The following ENTPD5 variants were observed in gnomAD, a reference collection of about 807,000 sequenced individuals.
The protein encoded by ENTPD5 is ectonucleoside triphosphate diphosphohydrolase 5 (inactive).
A neutral mutation model predicts 60.2 loss-of-function variants in ENTPD5; 49 were observed. The ratio of observed to expected loss-of-function variants is 0.81; its 90% confidence interval spans 0.65 to 1.03. The LOEUF (loss-of-function observed/expected upper bound fraction) is 1.03. ENTPD5 is among the 50% of genes least tolerant of loss of function. ENTPD5 has a pLI of 0.00. For missense variants in ENTPD5, 480 were observed against 507.6 expected (o/e 0.95, Z 0.52); for synonymous variants, 187 against 185.4 (o/e 1.01, Z -0.07).
chr14:73,994,674 AATGAG>A (rs1011460118), intron 3 of ENTPD5, among the ~76,000 whole-genome samples: 5 of 151,538 alleles, frequency 3.3e-5, no homozygotes, highest in Admixed American at 3.3e-4. Flanking sequence ...CGGAGGTTGC[AATGAG>A]ATAAGATTGC....
At chr14:73,961,135 C>T (rs1277112662), downstream of ENTPD5, 24 of 1,603,232 alleles carry the variant, frequency 1.5e-5, no homozygotes, top group African/African-American at 6.7e-5. Flanking sequence ...CTGCTACTCA[C>T]ATTTCACCTT....
In ENTPD5 at chr14:73,983,171, A is replaced by C. The variant is rs2057761871; in HGVS notation, c.298-10T>G. On this transcript the variant is annotated splice_polypyrimidine_tract_variant and intron_variant, in intron 5 of 15. Transcript: ENST00000334696. ...GAACGGTCTCAGCACCCTTCAAAAG[A>C]GATAACCCGTTCATCTGATGAACGA... is the stretch of plus-strand genomic sequence containing the variant. 6.2e-7 allele frequency: 1 copy of C among 1,605,326 alleles called. No homozygotes were observed. Among genetic ancestry groups the C allele is most frequent in the Non-Finnish European group, 8.5e-7 (1 of 1,175,232 alleles).
chr14:73,956,238 G>A (rs897667973), downstream of ENTPD5: 43 of 346,788 alleles, frequency 1.2e-4, no homozygotes, highest in Non-Finnish European at 5.7e-5. Context: ...TGAGGCAGGA[G>A]AATGGCGTGA....
chr14:74,005,139 G>A (rs927606550), intron 3 of ENTPD5, among the ~76,000 whole-genome samples: 3 of 151,718 alleles, frequency 2.0e-5, no homozygotes, highest in African/African-American at 7.2e-5. Context: ...GATGGGACAT[G>A]CCTGTAATCC....
intron 6 of ENTPD5, among the ~76,000 whole-genome samples, 172 bp downstream of exon 6, chr14:73,982,846 T>C (rs1470379223): frequency 6.6e-6 from 1 of 151,940 alleles, no homozygotes; most frequent in Non-Finnish European, 1.5e-5. Context: ...CATTTAAGAG[T>C]GATAGTTAAA....
At chr14:73,995,338 T>C (rs1303184244) in intron 3 of ENTPD5, among the ~76,000 whole-genome samples, 1 of 152,046 alleles carries the variant, frequency 6.6e-6, no homozygotes, top group Admixed American at 6.6e-5. Flanking sequence ...ATGAGCCACC[T>C]TGGCTGGCCC....
At chr14:73,997,209 C>A (rs1268558625) in intron 3 of ENTPD5, among the ~76,000 whole-genome samples, 1 of 151,898 alleles carries the variant, frequency 6.6e-6, no homozygotes, top group Non-Finnish European at 1.5e-5. Context: ...TAGAGGTGTA[C>A]CAGAATAAAG....
chr14:73,966,824 A>T lies in ENTPD5; in HGVS notation c.*104T>A. The T allele has an allele frequency of 1.2e-6, 1 of 850,608 alleles. No homozygotes were observed. Among genetic ancestry groups the T allele is most frequent in the Non-Finnish European group, 1.9e-6 (1 of 513,558 alleles). 52.7% of individuals were successfully genotyped at this position (850,608 alleles called of 1,614,324 possible). A position where few individuals can be genotyped will look rare whatever the true frequency, so the allele number is the denominator to read the frequency against. The stretch of plus-strand genomic sequence containing the variant: ...TAAAATTAATTAAACCTAAATCTCT[A>T]GGCTCAAGTCCAGGATGTCCCCAGA... On this transcript the variant is annotated 3_prime_UTR_variant, in exon 16 of 16. Coordinates refer to ENST00000334696, the MANE Select transcript of ENTPD5 (RefSeq NM_001249.5).
chr14:73,961,734 C>T (rs2056746420), downstream of ENTPD5: 1 of 1,614,156 alleles, frequency 6.2e-7, no homozygotes, highest in Non-Finnish European at 8.5e-7. Flanking sequence ...CTCTGCCCTT[C>T]AGGTTCCGTG....
At chr14:74,010,284 G>A (rs1468455102) in intron 3 of ENTPD5, among the ~76,000 whole-genome samples, 2 of 152,186 alleles carry the variant, frequency 1.3e-5, no homozygotes, top group Admixed American at 6.5e-5. Context: ...GCCAGGCGCA[G>A]TGGCTCACGC....
rs781204013 is a variant in ENTPD5, at chr14:73,972,923, A to C, written c.988T>G (p.Ser330Ala). ...EVQRGSFYAF[S>A]YYYDRAVDTD... is the part of the protein sequence containing the mutation. ...TCAACAGCTCGGTCATAATAGTAAG[A>C]GAAAGCATAGAAGGAACCTCTCTGG... The change falls in exon 13 of 16, where the codon TCT (serine) becomes GCT (alanine). Residue 330 changes from serine to alanine, a missense_variant. Physicochemically the swap from Ser to Ala is moderately conservative, Grantham distance 99 (BLOSUM62 1). Coordinates refer to ENST00000334696, the MANE Select transcript of ENTPD5 (RefSeq NM_001249.5). 8.1e-6 allele frequency: 13 copies of C among 1,614,118 alleles called. No homozygotes were observed. Among genetic ancestry groups the C allele is most frequent in the Admixed American group, 6.7e-5 (4 of 60,006 alleles).
chr14:73,991,608 CAA>C (rs67647627), intron 3 of ENTPD5, among the ~76,000 whole-genome samples: 9 of 68,572 alleles, frequency 1.3e-4, no homozygotes, highest in Non-Finnish European at 2.1e-4. Flanking sequence ...AAACAATAAC[CAA>C]AAAAAAAAAA....
At chr14:73,989,266 CA>C (rs1249773248) in intron 3 of ENTPD5, among the ~76,000 whole-genome samples, 3 of 151,066 alleles carry the variant, frequency 2.0e-5, no homozygotes, top group Non-Finnish European at 4.4e-5. Flanking sequence ...CCTGTCTCTA[CA>C]AAAAAATACA....
chr14:74,005,522 A>T (rs1289915742), intron 3 of ENTPD5, among the ~76,000 whole-genome samples: 1 of 151,510 alleles, frequency 6.6e-6, no homozygotes, highest in Non-Finnish European at 1.5e-5. Context: ...AAAAATGAAC[A>T]ACTGGCCAGG....
downstream of ENTPD5, chr14:73,955,570 C>T (rs2056394321): frequency 3.3e-6 from 5 of 1,501,396 alleles, no homozygotes; most frequent in Non-Finnish European, 4.6e-6. Flanking sequence ...ATATCGGAGT[C>T]CACTTTCTCC....
chr14:73,988,132 C>A lies in ENTPD5; in HGVS notation c.-30G>T, dbSNP rs2057981740. ...TTCCCAAGATGTGGCTGGGTGGAGG[C>A]TTTTGTTGCAGAAGCAATCCTGCTC... On this transcript the variant is annotated 5_prime_UTR_variant, in exon 4 of 16. Transcript: ENST00000334696. 1.3e-6 allele frequency: 2 copies of A among 1,586,506 alleles called. No individual in the cohort carries two copies. The highest frequency in any genetic ancestry group is 4.5e-5 in the East Asian group (2 of 43,988).
intron 3 of ENTPD5, among the ~76,000 whole-genome samples, chr14:73,991,044 A>G (rs2058107130): frequency 6.6e-6 from 1 of 152,128 alleles, no homozygotes; most frequent in African/African-American, 2.4e-5. Context: ...AAAAACAAAA[A>G]CAAAAAATCA....
chr14:74,000,081 C>A, intron 3 of ENTPD5, among the ~76,000 whole-genome samples: 2 of 142,532 alleles, frequency 1.4e-5, no homozygotes, highest in East Asian at 4.0e-4. Flanking sequence ...GAGCGAGACT[C>A]CATCTCAAAA....
At chr14:73,986,648 G>A (rs539591532) in intron 5 of ENTPD5, 166 bp downstream of exon 5, 28 of 615,054 alleles carry the variant, frequency 4.6e-5, no homozygotes, top group African/African-American at 1.7e-4. Flanking sequence ...CCTCATGAGC[G>A]TGGGAAATGT....
Sources: allele counts gnomAD v4.1 joint callset (sites outside exome capture counted in the v4.1 genomes callset), GRCh38; gene constraint gnomAD v4.1.1; transcripts MANE v1.5; gene names NCBI Gene and HGNC (gene_info 2026-07-23, HGNC 2026-07-21).